Variants in ADGRA2 observed in about 807,000 individuals in gnomAD.
ADGRA2 encodes adhesion G protein-coupled receptor A2.
Under a neutral mutation model 98.7 loss-of-function variants are expected in ADGRA2, and 61 were observed. The observed-to-expected ratio is 0.62, with a 90% CI of 0.50 to 0.76. The LOEUF is 0.76. ADGRA2 is among the 30% of genes least tolerant of loss of function. The pLI is 0.00. For missense variants in ADGRA2, 1,712 were observed against 1,860.0 expected, an observed-to-expected ratio of 0.92 and a Z score of 1.46; for synonymous variants, 858 against 831.5, an observed-to-expected ratio of 1.03 and a Z score of -0.55.
At chr8:37,839,260 G>A in intron 15 of ADGRA2, 177 bp downstream of exon 15, 1 of 578,660 alleles carries the variant, frequency 1.7e-6, no homozygotes, top group Non-Finnish European at 2.2e-6. Flanking sequence ...GACTCACTGA[G>A]GACTTGGCAG....
In ADGRA2 at chr8:37,830,137, A is replaced by G. The variant is rs143100572; in HGVS notation, c.718+123A>G. ...ACCTTTGTATTGCAATTTGCAAAAG[A>G]CCACGACACTGAGTCCTGCTCTTGC... is the stretch of plus-strand genomic sequence containing the variant. On this transcript the variant is annotated intron_variant, in intron 6 of 18. Transcript: ENST00000412232. This position sits in a 1 kb window ranked among gnomAD's most constrained non-coding sequence, Gnocchi z 4.8. The G allele has an allele frequency of 9.7e-5, 57 of 587,164 alleles. No individual in the cohort carries two copies. The highest frequency in any genetic ancestry group is 1.6e-4 in the Non-Finnish European group (55 of 343,028). 36.4% of individuals were successfully genotyped at this position (587,164 alleles called of 1,614,324 possible). A position where few individuals can be genotyped will look rare whatever the true frequency, so the allele number is the denominator to read the frequency against.
At position 37,844,706 on chromosome 8, in the gene ADGRA2, C is replaced by T; in HGVS notation, c.*2351C>T. On this transcript the variant is annotated 3_prime_UTR_variant, in exon 19 of 19. Transcript: ENST00000412232. ...GAAGGGCAGGACTGGCCGGCCGCTT[C>T]CCCTGGGGTAAACCTAAGGAATTAT... is the stretch of plus-strand genomic sequence containing the variant. 1.2e-6 allele frequency: 2 copies of T among 1,614,104 alleles called. No homozygotes were observed. Among genetic ancestry groups the T allele is most frequent in the Admixed American group, 3.3e-5 (2 of 60,014 alleles).
chr8:37,840,047 C>A, intron 16 of ADGRA2, 74 bp from the exon 17 acceptor site: 1 of 1,374,518 alleles, frequency 7.3e-7, no homozygotes, highest in Non-Finnish European at 9.8e-7. Context: ...TGGGAGGACA[C>A]CAGCAGGACT....
Position 37,829,331 on chromosome 8 carries a change from C to A in ADGRA2, c.481C>A (p.Leu161Ile). 6.2e-7 allele frequency: 1 copy of A among 1,612,192 alleles called. No homozygotes were observed. Residue 161 changes from leucine to isoleucine, a missense_variant and splice_region_variant, in exon 4 of 19, where the codon CTA becomes ATA. Leu to Ile is a conservative substitution (Grantham distance 5, BLOSUM62 2). Transcript: ENST00000412232. ...CCAGGGCCTCCCCAGGCTTCTCCGA[C>A]TGTAAGTGATGGGGTGAGAAGTGGG... ...TFQGLPRLLR[L>I]NISGNIFSSL... is the part of the protein sequence containing the mutation.
At chr8:37,824,471 G>T (rs1338377394) in intron 2 of ADGRA2, among the ~76,000 whole-genome samples, 1 of 150,130 alleles carries the variant, frequency 6.7e-6, no homozygotes, top group African/African-American at 2.5e-5. Flanking sequence ...CTTTCTTGAT[G>T]GTATCCTCTA....
chr8:37,807,222 C>G (rs893006639), intron 1 of ADGRA2, among the ~76,000 whole-genome samples: 1 of 152,180 alleles, frequency 6.6e-6, no homozygotes, highest in Non-Finnish European at 1.5e-5. Context: ...GGCAGAACAC[C>G]TTACATGTCC....
chr8:37,844,469 A>G lies in ADGRA2; in HGVS notation c.*2114A>G, dbSNP rs368778645. 30 of 1,607,560 alleles carry G rather than the reference A, an allele frequency of 1.9e-5. No homozygotes were observed. Among genetic ancestry groups the G allele is most frequent in the Non-Finnish European group, 2.5e-5 (29 of 1,176,704 alleles). On this transcript the variant is annotated 3_prime_UTR_variant, in exon 19 of 19. Coordinates refer to ENST00000412232, the MANE Select transcript of ADGRA2 (RefSeq NM_032777.10). ...TTATCAAGCTGTCAGAACAGGATGA[A>G]GTGCTCCCAGTGGATATCCATCAGG...
rs1805821187 is a variant in ADGRA2, at chr8:37,842,122, C to A, written c.3784C>A (p.Pro1262Thr). The A allele has an allele frequency of 1.3e-6, 2 of 1,497,296 alleles. No homozygotes were observed. The highest frequency in any genetic ancestry group is 1.8e-6 in the Non-Finnish European group (2 of 1,131,388). 92.8% of individuals were successfully genotyped at this position (1,497,296 alleles called of 1,614,324 possible). A position where few individuals can be genotyped will look rare whatever the true frequency, so the allele number is the denominator to read the frequency against. The stretch of plus-strand genomic sequence containing the variant: ...CGAGGGCAGCGACACCAGCGCCGCG[C>A]CGCTTTCTGAGGCGGGCCGGGCAGG... Reference protein sequence around the residue: ...PSEGSDTSAAPLSEAGRAGQR... With the variant: ...PSEGSDTSAATLSEAGRAGQR... Residue 1262 changes from proline to threonine, a missense_variant, in exon 19 of 19, where the codon CCG becomes ACG. By Grantham distance (38) the Pro-to-Thr change is conservative. Transcript: ENST00000412232.
rs973110574 is a variant in ADGRA2 at position 37,820,419 on chromosome 8, A to G, written c.338+5452A>G. On this transcript the variant is annotated intron_variant, in intron 2 of 18. Transcript: ENST00000412232. The stretch of plus-strand genomic sequence containing the variant: ...CCCATGGGGCCTGGGAATTTTTTAC[A>G]TGCTATGCAGGCAATTCTCATGCTC... 2.6e-5 allele frequency among the ~76,000 whole-genome samples: 4 copies of G among 152,184 alleles called. No individual in the cohort carries two copies. In the South Asian group the frequency reaches 8.3e-4, roughly 31 times the overall value.
intron 2 of ADGRA2, among the ~76,000 whole-genome samples, chr8:37,827,463 G>A (rs997301154): frequency 1.3e-5 from 2 of 152,236 alleles, no homozygotes; most frequent in Non-Finnish European, 2.9e-5. Flanking sequence ...GGCAGGTGAG[G>A]AAGGGGGCAG....
At chr8:37,818,407 G>T (rs1805037771) in intron 2 of ADGRA2, among the ~76,000 whole-genome samples, 1 of 152,234 alleles carries the variant, frequency 6.6e-6, no homozygotes, top group African/African-American at 2.4e-5. Flanking sequence ...TGAAAAGACG[G>T]CCTGTCCTTC....
intron 1 of ADGRA2, among the ~76,000 whole-genome samples, chr8:37,807,895 A>T (rs1398087635): frequency 1.3e-5 from 2 of 152,202 alleles, no homozygotes; most frequent in African/African-American, 4.8e-5. Context: ...CTTCCCGCAC[A>T]TGTGAGAAAC....
chr8:37,838,985 G>T lies in ADGRA2; in HGVS notation c.2289G>T (p.Gly763=). The T allele has an allele frequency of 6.3e-7, 1 of 1,577,146 alleles. No homozygotes were observed. The highest frequency in any genetic ancestry group is 1.2e-5 in the South Asian group (1 of 84,946). ...TGAGCGCCTTTCCCAGGGAGGTGGG[G>T]GGCGCCGGGGCAGGGCTGCACCCCG... The part of the protein sequence containing the change: ...MELSAFPREV[G]GAGAGLHPVV... Residue 763 remains glycine (G), a synonymous_variant, in exon 15 of 19, where the codon GGG becomes GGT. Coordinates refer to ENST00000412232, the MANE Select transcript of ADGRA2 (RefSeq NM_032777.10).
At chr8:37,798,805 C>T (rs1183222024) in intron 1 of ADGRA2, among the ~76,000 whole-genome samples, 3 of 152,218 alleles carry the variant, frequency 2.0e-5, no homozygotes, top group Non-Finnish European at 4.4e-5. Flanking sequence ...GCTGGCCGCC[C>T]GGCCTGCATT....
Position 37,814,996 on chromosome 8 carries a change from AGGG to A in ADGRA2, c.338+33_338+35del. 1 of 1,485,632 alleles carries A rather than the reference AGGG, an allele frequency of 6.7e-7. No homozygotes were observed. Among genetic ancestry groups the A allele is most frequent in the Non-Finnish European group, 9.4e-7 (1 of 1,066,724 alleles). The allele number at this position is 1,485,632 out of a possible 1,614,324, so 92.0% of individuals were successfully genotyped here. On this transcript the variant is annotated intron_variant, in intron 2 of 18. Transcript: ENST00000412232. This position sits in a 1 kb window ranked among gnomAD's most constrained non-coding sequence, Gnocchi z 4.3. Reference sequence around the variant, plus strand: ...AGTGCTGGGGAAGGTGAGGTGGAGGAGGGGGGTGGCCGTGATGGCAAGAGGTCA... The same window carrying A: ...AGTGCTGGGGAAGGTGAGGTGGAGGAGGGTGGCCGTGATGGCAAGAGGTCA...
intron 13 of ADGRA2, among the ~76,000 whole-genome samples, 184 bp downstream of exon 13, chr8:37,835,954 G>A (rs1311133838): frequency 6.6e-6 from 1 of 151,902 alleles, no homozygotes; most frequent in East Asian, 1.9e-4. Context: ...GAAAGGGTCT[G>A]GAGGAGAAAA....
At chr8:37,799,207 T>C (rs1804428707) in intron 1 of ADGRA2, among the ~76,000 whole-genome samples, 1 of 152,034 alleles carries the variant, frequency 6.6e-6, no homozygotes, top group Admixed American at 6.5e-5. Flanking sequence ...AAACCCCGTC[T>C]CTACTAAAAA....
chr8:37,797,294 G>A lies in ADGRA2; in HGVS notation c.26G>A (p.Arg9Gln). The change falls in exon 1 of 19, where the codon CGG (arginine) becomes CAG (glutamine). Residue 9 changes from arginine (R) to glutamine (Q), a missense_variant. Transcript: ENST00000412232. This position sits in a 1 kb window ranked among gnomAD's most constrained non-coding sequence, Gnocchi z 5.3. ...ATGGGCGCCGGGGGACGCAGGATGC[G>A]GGGGGCGCCCGCGCGCCTGCTGCTG... MGAGGRRM[R>Q]GAPARLLLPL... The A allele has an allele frequency of 7.6e-7, 1 of 1,307,610 alleles. No individual in the cohort carries two copies. Among genetic ancestry groups the A allele is most frequent in the South Asian group, 2.3e-5 (1 of 43,720 alleles). The allele number at this position is 1,307,610 out of a possible 1,614,324, so 81.0% of individuals were successfully genotyped here. A position where few individuals can be genotyped will look rare whatever the true frequency, so the allele number is the denominator to read the frequency against.
chr8:37,839,335 CT>C (rs1805721209), intron 15 of ADGRA2, 163 bp from the exon 16 acceptor site: 2 of 879,036 alleles, frequency 2.3e-6, no homozygotes, highest in South Asian at 1.0e-4. Context: ...GTTGGAATCA[CT>C]TTGAGGGGTT....
Sources: gnomAD v4.1 joint callset for allele counts (sites outside exome capture counted in the v4.1 genomes callset) on GRCh38, gnomAD v4.1.1 for gene constraint, Gnocchi (gnomAD v3.1) non-coding constraint, MANE v1.5 for transcripts, NCBI Gene and HGNC (gene_info 2026-07-23, HGNC 2026-07-21) for gene names.